Variants in OTOG observed in about 807,000 individuals in gnomAD.
OTOG encodes the protein otogelin.
A neutral mutation model predicts 313.8 loss-of-function variants in OTOG; 296 were observed. The observed-to-expected ratio is 0.94, with a 90% confidence interval of 0.86 to 1.04. The LOEUF (loss-of-function observed/expected upper bound fraction) is 1.04. Ranked by LOEUF, OTOG falls within the 50% of genes least tolerant of loss-of-function variation. The pLI is 0.00. For missense variants in OTOG, 3,948 were observed against 3,840.1 expected (o/e 1.03, Z -0.74); for synonymous variants, 1,533 against 1,554.9 (o/e 0.99, Z 0.33).
Position 17,593,753 on chromosome 11 carries a change from G to A in OTOG, c.3285G>A (p.Trp1095Ter), listed in dbSNP as rs979900875. Reference protein sequence around the residue: ...TTVHVQAGPQWQGQLAGLCGN... With the variant: ...TTVHVQAGPQ ...TGCACGTCCAGGCTGGGCCTCAGTGGCAGGTACTTACATGAGCAGTGACAT... is the reference window on the plus strand; with the variant it reads ...TGCACGTCCAGGCTGGGCCTCAGTGACAGGTACTTACATGAGCAGTGACAT... Residue 1095 changes from tryptophan to a stop codon, truncating the protein, a stop_gained, in exon 27 of 56, where the codon TGG becomes TGA. Transcript: ENST00000399397. LOFTEE classifies it high-confidence loss of function. The A allele has an allele frequency of 1.0e-5, 16 of 1,548,216 alleles. No individual in the cohort carries two copies. The highest frequency in any genetic ancestry group is 1.4e-5 in the Non-Finnish European group (16 of 1,146,790).
In OTOG at chr11:17,597,242, C is replaced by T. The variant is rs1039268472; in HGVS notation, c.3682+235C>T. Among the ~76,000 whole-genome samples the T allele has an allele frequency of 3.9e-5, 6 of 152,158 alleles. No individual in the cohort carries two copies. In the South Asian group the frequency reaches 1.2e-3, roughly 32 times the overall value. ...AGAGAGAGAGATCAAGTAACATGCT[C>T]AAGGTTAGTGGAGGAGCCAGGGTTC... On this transcript the variant is annotated intron_variant, in intron 30 of 55. Coordinates refer to ENST00000399397, the MANE Select transcript of OTOG (RefSeq NM_001292063.2).
In OTOG at chr11:17,596,891, CAT is replaced by C; in HGVS notation, c.3567_3568del (p.Cys1190TrpfsTer7). On this transcript the variant is annotated frameshift_variant, in exon 30 of 56. Coordinates refer to ENST00000399397, the MANE Select transcript of OTOG (RefSeq NM_001292063.2). LOFTEE classifies it high-confidence loss of function. ...TTTTACTCAAACTGCCTGACAGACACATGTGGCTGCAGCCAGGGTGGTGACTG... is the reference window on the plus strand; with the variant it reads ...TTTTACTCAAACTGCCTGACAGACACGTGGCTGCAGCCAGGGTGGTGACTG... 2 of 1,551,078 alleles carry C rather than the reference CAT, an allele frequency of 1.3e-6. No individual in the cohort carries two copies. Among genetic ancestry groups the C allele is most frequent in the Non-Finnish European group, 1.7e-6 (2 of 1,147,102 alleles).
At chr11:17,548,281 G>A in intron 3 of OTOG, 69 bp downstream of exon 3, 6 of 1,391,464 alleles carry the variant, frequency 4.3e-6, no homozygotes, top group Non-Finnish European at 4.9e-6. Flanking sequence ...GAGGCTGGCA[G>A]GGAGCTCTGT....
At chr11:17,603,133 A>T (rs912163838) in intron 32 of OTOG, among the ~76,000 whole-genome samples, 3 of 152,076 alleles carry the variant, frequency 2.0e-5, no homozygotes, top group African/African-American at 4.8e-5. Flanking sequence ...CACAGCCAAC[A>T]TCCCTAGCTA....
At chr11:17,634,976 G>A in intron 45 of OTOG, 28 bp downstream of exon 45, 2 of 1,515,572 alleles carry the variant, frequency 1.3e-6, no homozygotes, top group South Asian at 1.2e-5. Context: ...GGGAGGGTGG[G>A]GGACGGACTG....
At chr11:17,634,703 T>G (rs1254000952) in intron 44 of OTOG, 141 bp from the exon 45 acceptor site, 12 of 668,468 alleles carry the variant, frequency 1.8e-5, no homozygotes, top group Non-Finnish European at 3.1e-5. Context: ...AATGACCTCA[T>G]CTAGGAGTAT....
intron 40 of OTOG, 141 bp downstream of exon 40, chr11:17,629,457 G>A: frequency 1.0e-6 from 1 of 1,003,750 alleles, no homozygotes; most frequent in African/African-American, 1.6e-5. Context: ...AGGGCAGGGA[G>A]GCCTAACGTC....
At position 17,644,450 on chromosome 11, in the gene OTOG, G is replaced by C. The variant is rs371784110; in HGVS notation, c.8461+944G>C. On this transcript the variant is annotated intron_variant, in intron 54 of 55. Coordinates refer to ENST00000399397, the MANE Select transcript of OTOG (RefSeq NM_001292063.2). ...CTAAAGGGATTCCTGGGGTTACAGA[G>C]TGAGTGCACGTACCTGGCAAATATT... Among the ~76,000 whole-genome samples the C allele has an allele frequency of 1.3e-3, 197 of 152,390 alleles. 3 individuals are homozygous for C. The highest frequency in any genetic ancestry group is 4.6e-3 in the African/African-American group (192 of 41,596).
intron 39 of OTOG, among the ~76,000 whole-genome samples, chr11:17,616,534 T>A (rs1373149484): frequency 1.3e-5 from 2 of 152,226 alleles, no homozygotes; most frequent in African/African-American, 4.8e-5. Flanking sequence ...TATTTTTTTA[T>A]GGCTTCTTTG....
chr11:17,569,302 T>G lies in OTOG; in HGVS notation c.1777+14T>G. The stretch of plus-strand genomic sequence containing the variant: ...CATACACAGATGGTACGGTTTGGGG[T>G]GGACAACAGACCTAGTTGGGAACTG... On this transcript the variant is annotated intron_variant, in intron 16 of 55. Transcript: ENST00000399397. 4.5e-6 allele frequency: 7 copies of G among 1,550,294 alleles called. No homozygotes were observed. The highest frequency in any genetic ancestry group is 5.2e-6 in the Non-Finnish European group (6 of 1,146,806).
chr11:17,633,380 AC>A (rs1247634659), intron 42 of OTOG, among the ~76,000 whole-genome samples: 1 of 152,226 alleles, frequency 6.6e-6, no homozygotes, highest in Non-Finnish European at 1.5e-5. Flanking sequence ...CCTCAACTCT[AC>A]CTTTTTTGGT....
chr11:17,555,739 G>A (rs1852043295), intron 6 of OTOG, 40 bp from the exon 7 acceptor site: 2 of 1,499,918 alleles, frequency 1.3e-6, no homozygotes, highest in African/African-American at 2.8e-5. Flanking sequence ...TCAGGCCTGT[G>A]GCAGGAGCCT....
intron 15 of OTOG, among the ~76,000 whole-genome samples, chr11:17,562,691 G>A (rs1443422787): frequency 1.3e-5 from 2 of 152,180 alleles, no homozygotes; most frequent in Non-Finnish European, 2.9e-5. Flanking sequence ...TGATCATGGA[G>A]TGGGCCTCAG....
chr11:17,560,563 A>C, intron 12 of OTOG, 146 bp from the exon 13 acceptor site: 1 of 645,508 alleles, frequency 1.5e-6, no homozygotes, highest in Non-Finnish European at 2.7e-6. Flanking sequence ...GCCTGAGCCA[A>C]GGATTTATAG....
At chr11:17,558,673 A>G in intron 10 of OTOG, 29 bp downstream of exon 10, 7 of 1,540,240 alleles carry the variant, frequency 4.5e-6, no homozygotes, top group Non-Finnish European at 6.1e-6. Context: ...GGCTATGGGG[A>G]ACCCTCTAGT....
chr11:17,558,306 A>G lies in OTOG; in HGVS notation c.987A>G (p.Gly329=). Residue 329 remains glycine, a synonymous_variant, in exon 9 of 56, where the codon GGA becomes GGG. Transcript: ENST00000399397. The part of the protein sequence containing the change: ...PRPPCLQQNP[G]TMQGVYEQCE... ...CACCGTGCCTACAGCAGAACCCAGG[A>G]ACCATGCAGGTCTGGAGCTTGGGGA... The G allele has an allele frequency of 6.4e-7, 1 of 1,550,852 alleles. No homozygotes were observed. Among genetic ancestry groups the G allele is most frequent in the African/African-American group, 1.4e-5 (1 of 73,172 alleles).
Position 17,638,501 on chromosome 11 carries a change from C to T in OTOG, c.7846C>T (p.Leu2616=), listed in dbSNP as rs876657558. Residue 2616 remains leucine, a synonymous_variant, in exon 48 of 56, where the codon CTG becomes TTG. Coordinates refer to ENST00000399397, the MANE Select transcript of OTOG (RefSeq NM_001292063.2). ...AGTGCAGTGTGGCCTGGGCACTGCC[C>T]TGGTGGAGGTGTGGAGCCCCGACCG... ...PQVQCGLGTA[L]VEVWSPDRCC... 1.2e-5 allele frequency: 19 copies of T among 1,550,308 alleles called. No homozygotes were observed. The Admixed American group carries it at 3.3e-4, about 27-fold the overall frequency.
chr11:17,570,411 A>G lies in OTOG; in HGVS notation c.1955+21A>G, dbSNP rs1565097391. Reference sequence around the variant, plus strand: ...TTCCTGTACGTAGCCCTGCCACGGAACCCGAAGAAGAGGGGAAATGGGCCC... The same window carrying G: ...TTCCTGTACGTAGCCCTGCCACGGAGCCCGAAGAAGAGGGGAAATGGGCCC... On this transcript the variant is annotated intron_variant, in intron 17 of 55. Coordinates refer to ENST00000399397, the MANE Select transcript of OTOG (RefSeq NM_001292063.2). 3.9e-6 allele frequency: 6 copies of G among 1,549,048 alleles called. No individual in the cohort carries two copies. In the Admixed American group the frequency reaches 9.8e-5, roughly 25 times the overall value.
chr11:17,578,598 G>A, intron 23 of OTOG, 72 bp downstream of exon 23: 1 of 1,446,952 alleles, frequency 6.9e-7, no homozygotes, highest in Non-Finnish European at 9.1e-7. Context: ...GGTGGAGTGG[G>A]GGCAGGGAAA....
Sources: gnomAD v4.1 joint callset for allele counts (sites outside exome capture counted in the v4.1 genomes callset) on GRCh38, gnomAD v4.1.1 for gene constraint, MANE v1.5 for transcripts, NCBI Gene and HGNC (gene_info 2026-07-23, HGNC 2026-07-21) for gene names.